The following SEMA5A variants were observed in gnomAD, a reference collection of about 807,000 sequenced individuals.
SEMA5A encodes semaphorin 5A.
In SEMA5A, 55 loss-of-function variants were observed where a neutral mutation model predicts 135.5. The observed-to-expected ratio is 0.41, with a 90% confidence interval of 0.33 to 0.51. The LOEUF is 0.51. Ranked by LOEUF, SEMA5A falls within the 20% of genes least tolerant of loss-of-function variation. The pLI, the probability that SEMA5A is intolerant of heterozygous loss-of-function variation, is 0.37. For missense variants in SEMA5A, 1,290 were observed against 1,419.9 expected (o/e 0.91, Z 1.47); for synonymous variants, 580 against 546.5 (o/e 1.06, Z -0.85).
At chr5:9,471,363 A>T (rs914328063) in intron 1 of SEMA5A, among the ~76,000 whole-genome samples, 1 of 152,148 alleles carries the variant, frequency 6.6e-6, no homozygotes, top group Non-Finnish European at 1.5e-5. Context: ...CTGCCCAGAG[A>T]TAGCCTAAAA....
chr5:9,117,283 G>T (rs1224580298), intron 15 of SEMA5A, among the ~76,000 whole-genome samples: 1 of 152,192 alleles, frequency 6.6e-6, no homozygotes, highest in Admixed American at 6.5e-5. Context: ...CCTGGGAATG[G>T]TGATAACACA....
chr5:9,229,590 G>A (rs1000863765), intron 6 of SEMA5A, among the ~76,000 whole-genome samples: 1 of 152,140 alleles, frequency 6.6e-6, no homozygotes, highest in African/African-American at 2.4e-5. Context: ...GGATGACACA[G>A]ACATATTAAT....
At chr5:9,162,591 C>CATAT (rs1553995478) in intron 11 of SEMA5A, among the ~76,000 whole-genome samples, 14 of 107,174 alleles carry the variant, frequency 1.3e-4, no homozygotes, top group East Asian at 7.0e-4. Flanking sequence ...TATATACACA[C>CATAT]ACACACACAA....
intron 4 of SEMA5A, among the ~76,000 whole-genome samples, chr5:9,333,447 G>A (rs965967856): frequency 6.6e-6 from 1 of 152,136 alleles, no homozygotes; most frequent in Non-Finnish European, 1.5e-5. Flanking sequence ...GAGTAATTCG[G>A]GATGGAATCA....
chr5:9,132,010 G>C (rs899467360), intron 13 of SEMA5A, among the ~76,000 whole-genome samples: 1 of 152,128 alleles, frequency 6.6e-6, no homozygotes, highest in Non-Finnish European at 1.5e-5. Flanking sequence ...ATTCTAATCA[G>C]TCTAGATATG....
At chr5:9,483,141 C>T (rs929730720) in intron 1 of SEMA5A, among the ~76,000 whole-genome samples, 2 of 152,112 alleles carry the variant, frequency 1.3e-5, no homozygotes, top group Non-Finnish European at 2.9e-5. Context: ...TTCACCTTCT[C>T]ATTCCCTATC....
At chr5:9,324,345 G>T (rs1369067931) in intron 4 of SEMA5A, among the ~76,000 whole-genome samples, 1 of 152,162 alleles carries the variant, frequency 6.6e-6, no homozygotes, top group Non-Finnish European at 1.5e-5. Context: ...TGGGATTACA[G>T]GCGTGAGCCA....
chr5:9,394,779 T>C (rs1334741531), intron 2 of SEMA5A, among the ~76,000 whole-genome samples: 2 of 152,140 alleles, frequency 1.3e-5, no homozygotes. Flanking sequence ...AGACCAAAGT[T>C]ATAAGTAGTA....
chr5:9,136,641 G>A lies in SEMA5A; in HGVS notation c.1482-20C>T, dbSNP rs1359792054. 1.3e-6 allele frequency: 2 copies of A among 1,592,472 alleles called. No individual in the cohort carries two copies. Among genetic ancestry groups the A allele is most frequent in the African/African-American group, 1.3e-5 (1 of 74,498 alleles). Reference sequence around the variant, plus strand: ...CAGGTGCTGGAAACACACACCAAATGGTCAACAGAAAGGTCGCTTTACCCA... The same window carrying A: ...CAGGTGCTGGAAACACACACCAAATAGTCAACAGAAAGGTCGCTTTACCCA... On this transcript the variant is annotated intron_variant, in intron 12 of 22. Transcript: ENST00000382496.
rs78005204 is a variant in SEMA5A, at chr5:9,243,632, T to C, written c.271-5742A>G. 9.9e-3 allele frequency among the ~76,000 whole-genome samples: 1,502 copies of C among 152,262 alleles called. 27 individuals carry two copies. Among genetic ancestry groups the C allele is most frequent in the African/African-American group, 0.035 (1,449 of 41,560 alleles). On this transcript the variant is annotated intron_variant, in intron 5 of 22. Transcript: ENST00000382496. ...AAAATAATGGTAACAATTTATTAAA[T>C]GTGTGATGTGCTAGCTACAGTGCTA...
chr5:9,445,659 ACT>A (rs1758407581), intron 1 of SEMA5A, among the ~76,000 whole-genome samples: 1 of 151,596 alleles, frequency 6.6e-6, no homozygotes, highest in African/African-American at 2.4e-5. Flanking sequence ...ACAGAGTGAG[ACT>A]CTGTCTCAAA....
chr5:9,481,275 G>A (rs1013273244), intron 1 of SEMA5A, among the ~76,000 whole-genome samples: 2 of 152,110 alleles, frequency 1.3e-5, no homozygotes, highest in Admixed American at 1.3e-4. Context: ...TACGTCTGGT[G>A]AAGCAAATCC....
intron 4 of SEMA5A, among the ~76,000 whole-genome samples, chr5:9,333,707 AAAG>A (rs1295614342): frequency 6.6e-6 from 1 of 152,228 alleles, no homozygotes; most frequent in African/African-American, 2.4e-5. Flanking sequence ...GATTTGTGAC[AAAG>A]AAGTATGCAA....
In SEMA5A at chr5:9,043,065, T is replaced by C. The variant is rs181257668; in HGVS notation, c.3106-49A>G. 2,473 of 1,486,890 alleles carry C rather than the reference T, an allele frequency of 1.7e-3. 1 individual carries two copies. Among genetic ancestry groups the C allele is most frequent in the Non-Finnish European group, 1.6e-3 (1,747 of 1,078,396 alleles). 92.1% of individuals were successfully genotyped at this position (1,486,890 alleles called of 1,614,324 possible). ...CAGGTTTAAGAATGCTGAGTAGCAT[T>C]TCAGAAATAATATAACAAGGATGAC... On this transcript the variant is annotated intron_variant, in intron 22 of 22. Transcript: ENST00000382496.
At chr5:9,391,438 A>C (rs942825013) in intron 2 of SEMA5A, among the ~76,000 whole-genome samples, 3 of 152,094 alleles carry the variant, frequency 2.0e-5, no homozygotes, top group African/African-American at 4.8e-5. Flanking sequence ...CTGCCTCTTC[A>C]TCTCTACCTG....
At chr5:9,431,410 G>A (rs1414409617) in intron 2 of SEMA5A, among the ~76,000 whole-genome samples, 2 of 152,126 alleles carry the variant, frequency 1.3e-5, no homozygotes, top group African/African-American at 2.4e-5. Flanking sequence ...CCCAACCTTT[G>A]CTTTTTCTGC....
chr5:9,507,941 T>C (rs1377737018), intron 1 of SEMA5A, among the ~76,000 whole-genome samples: 1 of 151,230 alleles, frequency 6.6e-6, no homozygotes, highest in African/African-American at 2.4e-5. Flanking sequence ...GAGGCATAGC[T>C]TGCAGTAAGC....
intron 16 of SEMA5A, among the ~76,000 whole-genome samples, chr5:9,098,946 T>C (rs779761110): frequency 2.0e-5 from 3 of 152,340 alleles, no homozygotes; most frequent in Non-Finnish European, 2.9e-5. Flanking sequence ...TTGCAATCAC[T>C]GTATTTGAAT....
chr5:9,073,792 T>C (rs1737899994), intron 16 of SEMA5A, among the ~76,000 whole-genome samples: 1 of 152,124 alleles, frequency 6.6e-6, no homozygotes, highest in African/African-American at 2.4e-5. Flanking sequence ...AAATATAAAA[T>C]ATTATTTCAT....
Sources: allele counts gnomAD v4.1 joint callset (sites outside exome capture counted in the v4.1 genomes callset), GRCh38; gene constraint gnomAD v4.1.1; transcripts MANE v1.5; gene names NCBI Gene and HGNC (gene_info 2026-07-23, HGNC 2026-07-21).